The following LYPD8 variants were observed in gnomAD, a reference collection of about 807,000 sequenced individuals.
LYPD8 encodes LY6/PLAUR domain containing 8.
A neutral mutation model predicts 1.7 loss-of-function variants in LYPD8; 8 were observed. The ratio of observed to expected loss-of-function variants is 4.58; its 90% CI spans 2.69 to 8.27. LYPD8 has a LOEUF of 8.27. Among genes scored for constraint, LYPD8 ranks in the 30% most tolerant of loss-of-function variants. LYPD8 has a pLI of 0.00. For synonymous variants in LYPD8, 50 were observed against 43.6 expected (o/e 1.15, Z -0.58); for missense variants, 112 against 102.3 (o/e 1.09, Z -0.41).
chr1:248,750,453 C>T (rs1662781920), intron 4 of LYPD8, 71 bp downstream of exon 4: 1 of 398,192 alleles, frequency 2.5e-6, no homozygotes, highest in Non-Finnish European at 4.4e-6. Flanking sequence ...TCTTTCCTGC[C>T]TGGATGTCCT....
chr1:248,742,776 G>A (rs1474013447), intron 6 of LYPD8, among the ~76,000 whole-genome samples: 3 of 100,782 alleles, frequency 3.0e-5, no homozygotes, highest in Non-Finnish European at 5.6e-5. Context: ...TGTTGGCAGC[G>A]GGGGAGGTTA....
intron 3 of LYPD8, 137 bp downstream of exon 3, chr1:248,750,893 C>T (rs1166377620): frequency 5.0e-6 from 2 of 398,016 alleles, no homozygotes; most frequent in African/African-American, 4.1e-5. Flanking sequence ...TCAAAGCAGG[C>T]TGCACGGACA....
chr1:248,754,102 CCACACCA>C (rs1662886906), intron 2 of LYPD8, among the ~76,000 whole-genome samples: 1 of 144,268 alleles, frequency 6.9e-6, no homozygotes, highest in Non-Finnish European at 1.5e-5. Context: ...TACACAAATA[CCACACCA>C]CACACCACAC....
Position 248,748,304 on chromosome 1 carries a change from T to C in LYPD8, c.322A>G (p.Thr108Ala), listed in dbSNP as rs1220656556. 2 of 471,126 alleles carry C rather than the reference T, an allele frequency of 4.2e-6. No individual in the cohort carries two copies. Among genetic ancestry groups the C allele is most frequent in the African/African-American group, 2.0e-5 (1 of 48,944 alleles). The allele number at this position is 471,126 out of a possible 1,614,324, so 29.2% of individuals were successfully genotyped here. The change falls in exon 5 of 7, where the codon ACC (threonine) becomes GCC (alanine). Residue 108 changes from threonine (T) to alanine (A), a missense_variant. Transcript: ENST00000590317. ...CAGCACCCACCCAGGGCATCGCTGG[T>C]GTTGCTGCATTCCTTTCCTTGGCAG... Reference protein sequence around the residue: ...QCCQGKECSNTSDALDPPLKN... With the variant: ...QCCQGKECSNASDALDPPLKN...
Position 248,745,274 on chromosome 1 carries a change from G to C in LYPD8, c.343C>G (p.Pro115Ala), listed in dbSNP as rs1335255967. The C allele has an allele frequency of 2.5e-6, 1 of 398,572 alleles. No individual in the cohort carries two copies. Among genetic ancestry groups the C allele is most frequent in the Non-Finnish European group, 4.4e-6 (1 of 226,058 alleles). 24.7% of individuals were successfully genotyped at this position (398,572 alleles called of 1,614,324 possible). A position where few individuals can be genotyped will look rare whatever the true frequency, so the allele number is the denominator to read the frequency against. The change falls in exon 6 of 7, where the codon CCC becomes GCC. Residue 115 changes from proline (P) to alanine (A), a missense_variant. Physicochemically the swap from Pro to Ala is conservative, Grantham distance 27 (BLOSUM62 -1). Coordinates refer to ENST00000590317, the MANE Select transcript of LYPD8 (RefSeq NM_001085474.2). ...GCGTTGCTGGACACGTTCTTCAGGGGAGGGTCTGGAAGAGTCAGAGTCATT... is the reference window on the plus strand; with the variant it reads ...GCGTTGCTGGACACGTTCTTCAGGGCAGGGTCTGGAAGAGTCAGAGTCATT... ...CSNTSDALDP[P>A]LKNVSSNAEC...
chr1:248,741,072 C>G (rs1553283287), intron 6 of LYPD8, among the ~76,000 whole-genome samples: 2 of 152,228 alleles, frequency 1.3e-5, no homozygotes, highest in African/African-American at 4.8e-5. Flanking sequence ...AGTGATCGCA[C>G]CCCTGCATTC....
intron 3 of LYPD8, 57 bp downstream of exon 3, chr1:248,750,973 T>C: frequency 2.5e-6 from 1 of 398,616 alleles, no homozygotes; most frequent in Non-Finnish European, 4.4e-6. Context: ...AAGAAGACAC[T>C]GGTGAGGTGG....
In LYPD8 at chr1:248,753,639, C is replaced by CAT. The variant is rs1352580506; in HGVS notation, c.-50+1599_-50+1600insAT. The stretch of plus-strand genomic sequence containing the variant: ...CCCACACAACACACACAACACACCA[C>CAT]ACATATACATCACACACCACACACC... On this transcript the variant is annotated intron_variant, in intron 2 of 6. Transcript: ENST00000590317. Among the ~76,000 whole-genome samples the CAT allele has an allele frequency of 4.6e-3, 528 of 116,042 alleles. 8 individuals are homozygous for CAT. The highest frequency in any genetic ancestry group is 9.9e-3 in the East Asian group (26 of 2,624). The allele number at this position is 116,042 out of a possible 152,430, so 76.1% of individuals were successfully genotyped here. A position where few individuals can be genotyped will look rare whatever the true frequency, so the allele number is the denominator to read the frequency against.
At chr1:248,742,269 G>A (rs1662618771) in intron 6 of LYPD8, among the ~76,000 whole-genome samples, 1 of 134,102 alleles carries the variant, frequency 7.5e-6, no homozygotes, top group Non-Finnish European at 1.6e-5. Context: ...ACGCTCTGGT[G>A]GGGATGTTGG....
chr1:248,754,584 C>T (rs2103175810), intron 2 of LYPD8, among the ~76,000 whole-genome samples: 1 of 151,898 alleles, frequency 6.6e-6, no homozygotes, highest in Non-Finnish European at 1.5e-5. Context: ...CCACATGCCA[C>T]AAACATTACA....
intron 2 of LYPD8, among the ~76,000 whole-genome samples, chr1:248,752,598 CCACACACCCCACACACATCACA>C (rs1662818538): frequency 3.1e-5 from 4 of 130,624 alleles, no homozygotes; most frequent in Admixed American, 7.6e-5. Context: ...ACCACACACC[CCACACACCCCACACACATCACA>C]CACACACACC....
chr1:248,753,443 C>T (rs1408666872), intron 2 of LYPD8, among the ~76,000 whole-genome samples: 18 of 113,594 alleles, frequency 1.6e-4, no homozygotes, highest in African/African-American at 6.4e-4. Context: ...CACAACACAA[C>T]ACACACAACA....
chr1:248,752,854 A>G (rs1662835897), intron 2 of LYPD8, among the ~76,000 whole-genome samples: 1 of 82,884 alleles, frequency 1.2e-5, no homozygotes, highest in Non-Finnish European at 2.3e-5. Context: ...CACACACACC[A>G]CACCACACAC....
At position 248,741,277 on chromosome 1, in the gene LYPD8, G is replaced by A. The variant is rs553598154; in HGVS notation, c.476-1428C>T. ...GCTGGAGTGCAGTGGTGCAATCTTG[G>A]CTCATTGAAGCCTCTGTCCCCCAGG... is the stretch of plus-strand genomic sequence containing the variant. On this transcript the variant is annotated intron_variant, in intron 6 of 6. Transcript: ENST00000590317. Among the ~76,000 whole-genome samples the A allele has an allele frequency of 1.6e-4, 25 of 152,334 alleles. No homozygotes were observed. The East Asian group carries it at 4.6e-3, about 28-fold the overall frequency.
intron 3 of LYPD8, 32 bp downstream of exon 3, chr1:248,750,998 A>G: frequency 5.0e-6 from 2 of 398,618 alleles, no homozygotes; most frequent in Non-Finnish European, 8.8e-6. Flanking sequence ...GGGGGTCTCC[A>G]TTCTAAAAAG....
At chr1:248,744,839 G>C (rs1662703513) in intron 6 of LYPD8, among the ~76,000 whole-genome samples, 1 of 152,202 alleles carries the variant, frequency 6.6e-6, no homozygotes, top group Non-Finnish European at 1.5e-5. Context: ...ATGCGACCTG[G>C]TAAAGAAGTG....
At position 248,753,634 on chromosome 1, in the gene LYPD8, CACCACACATATACATCA is replaced by C. The variant is rs1572156966; in HGVS notation, c.-50+1588_-50+1604del. 1.1e-4 allele frequency among the ~76,000 whole-genome samples: 15 copies of C among 138,102 alleles called. 1 individual carries two copies. Among genetic ancestry groups the C allele is most frequent in the East Asian group, 2.5e-4 (1 of 4,012 alleles). The allele number at this position is 138,102 out of a possible 152,430, so 90.6% of individuals were successfully genotyped here. On this transcript the variant is annotated intron_variant, in intron 2 of 6. Transcript: ENST00000590317. ...CACACCCCACACAACACACACAACA[CACCACACATATACATCA>C]CACACCACACACCCCACGCAACACA...
chr1:248,753,761 A>T (rs1199765104), intron 2 of LYPD8, among the ~76,000 whole-genome samples: 2 of 146,164 alleles, frequency 1.4e-5, no homozygotes, highest in African/African-American at 2.5e-5. Context: ...ACACATACAC[A>T]CCACATCACA....
At chr1:248,743,084 A>G (rs182068493) in intron 6 of LYPD8, among the ~76,000 whole-genome samples, 1 of 152,076 alleles carries the variant, frequency 6.6e-6, no homozygotes, top group Non-Finnish European at 1.5e-5. Flanking sequence ...TGTCAGGTAG[A>G]TGAGAAATTT....
Sources: gnomAD v4.1 joint callset for allele counts (sites outside exome capture counted in the v4.1 genomes callset) on GRCh38, gnomAD v4.1.1 for gene constraint, MANE v1.5 for transcripts, NCBI Gene and HGNC (gene_info 2026-07-23, HGNC 2026-07-21) for gene names.